TPTE2: variants seen among roughly 807,000 people sequenced by gnomAD.
The protein encoded by TPTE2 is transmembrane phosphoinositide 3-phosphatase and tensin homolog 2.
TPTE2 carries 53 observed loss-of-function variants against 78.6 expected under a neutral mutation model. The observed-to-expected ratio is 0.67, with a 90% confidence interval of 0.54 to 0.85. TPTE2 has a LOEUF of 0.85. Among genes scored for constraint, TPTE2 ranks in the 40% least tolerant of loss-of-function variants. TPTE2 has a pLI of 0.00. For missense variants in TPTE2, 461 were observed against 623.0 expected, an observed-to-expected ratio of 0.74 and a Z score of 2.77; for synonymous variants, 175 against 206.2, an observed-to-expected ratio of 0.85 and a Z score of 1.30.
upstream of TPTE2, among the ~76,000 whole-genome samples, chr13:19,506,160 CTTTTTTTTTTTTT>C (rs71092369): frequency 7.0e-4 from 23 of 32,850 alleles, no homozygotes; most frequent in African/African-American, 2.3e-3. Flanking sequence ...GTATATAAAT[CTTTTTTTTTTTTT>C]TTTTTTTTTT....
chr13:19,447,405 T>C (rs558678012), intron 13 of TPTE2, among the ~76,000 whole-genome samples: 167 of 152,312 alleles, frequency 1.1e-3, no homozygotes, highest in African/African-American at 3.9e-3. Flanking sequence ...TAATGTGAAA[T>C]GGCCATTTTT....
chr13:19,474,190 G>A, intron 5 of TPTE2, 115 bp from the exon 9 acceptor site: 2 of 1,066,006 alleles, frequency 1.9e-6, no homozygotes, highest in East Asian at 2.9e-5. Flanking sequence ...GTACCAAAAT[G>A]TTATTATTTA....
exon 6 of TPTE2, chr13:19,473,962 A>G (rs1390017161): frequency 3.7e-6 from 6 of 1,607,238 alleles, no homozygotes; most frequent in African/African-American, 2.7e-5. Context: ...AAATAAGCCA[A>G]TAGCTAGAGA....
intron 6 of TPTE2, 63 bp downstream of exon 9, chr13:19,473,851 C>T: frequency 2.1e-6 from 3 of 1,415,570 alleles, no homozygotes; most frequent in Non-Finnish European, 2.8e-6. Flanking sequence ...ACCTCAGCCT[C>T]CCAAAGTGCT....
chr13:19,446,242 T>G (rs1877826400), intron 13 of TPTE2, among the ~76,000 whole-genome samples: 1 of 152,178 alleles, frequency 6.6e-6, no homozygotes, highest in Admixed American at 6.5e-5. Flanking sequence ...ATTTTAAAAT[T>G]GAATGTAATA....
At chr13:19,554,415 T>C in the TPTE2 span, among the ~76,000 whole-genome samples, 2 of 143,728 alleles carry the variant, frequency 1.4e-5, no homozygotes, top group Admixed American at 1.4e-4. Context: ...AAAAATAAAA[T>C]AAAATAAATG....
intron 1 of TPTE2, among the ~76,000 whole-genome samples, chr13:19,528,045 G>C (rs368663187): frequency 6.6e-6 from 1 of 152,110 alleles, no homozygotes; most frequent in Non-Finnish European, 1.5e-5. Context: ...TGTGGCAACT[G>C]CAGTAAGTCA....
rs1877510036 is a variant in TPTE2 at position 19,441,693 on chromosome 13, G to C, written c.974-3540C>G. On this transcript the variant is annotated intron_variant, in intron 13 of 19. Transcript: ENST00000400230. The stretch of plus-strand genomic sequence containing the variant: ...GAGAATCCACCAAAATACCTACCAG[G>C]AACATCATATTAATGACATAATATT... 5.3e-5 allele frequency among the ~76,000 whole-genome samples: 8 copies of C among 152,042 alleles called. No individual in the cohort carries two copies. The South Asian group carries it at 1.7e-3, about 32-fold the overall frequency.
the TPTE2 span, among the ~76,000 whole-genome samples, chr13:19,543,375 AAGAG>A: frequency 2.3e-5 from 2 of 88,628 alleles, no homozygotes; most frequent in East Asian, 6.4e-4. Flanking sequence ...TTTTTTTCTT[AAGAG>A]AGAGAGTTTC....
chr13:19,498,985 C>G (rs1020975868), intron 1 of TPTE2, among the ~76,000 whole-genome samples: 2 of 151,924 alleles, frequency 1.3e-5, no homozygotes, highest in African/African-American at 4.8e-5. Context: ...CAAAAAAAGG[C>G]AGGGGTTGCA....
At chr13:19,499,167 C>T (rs542299202) in intron 1 of TPTE2, among the ~76,000 whole-genome samples, 2 of 152,264 alleles carry the variant, frequency 1.3e-5, no homozygotes, top group Admixed American at 1.3e-4. Flanking sequence ...GAGTGACCTA[C>T]AAAGACACTT....
At chr13:19,473,814 T>A (rs1460581716) in intron 6 of TPTE2, 100 bp downstream of exon 9, 4 of 1,073,386 alleles carry the variant, frequency 3.7e-6, no homozygotes, top group African/African-American at 1.7e-5. Flanking sequence ...CAGGATTGTG[T>A]CGAACTCCTG....
chr13:19,460,677 T>C (rs1878831443), intron 10 of TPTE2, among the ~76,000 whole-genome samples: 1 of 152,164 alleles, frequency 6.6e-6, no homozygotes, highest in Non-Finnish European at 1.5e-5. Context: ...TGCAGGCCTG[T>C]CCTGTTCAGA....
intron 1 of TPTE2, among the ~76,000 whole-genome samples, chr13:19,502,848 A>G (rs1044969178): frequency 6.2e-5 from 9 of 145,838 alleles, no homozygotes; most frequent in Non-Finnish European, 1.4e-4. Flanking sequence ...GTTGAAGCCA[A>G]AAAAAAAAAA....
intron 4 of TPTE2, among the ~76,000 whole-genome samples, chr13:19,478,218 C>T (rs969671760): frequency 6.6e-6 from 1 of 152,100 alleles, no homozygotes; most frequent in African/African-American, 2.4e-5. Flanking sequence ...TCAGAGTGAA[C>T]AGGCAACCTA....
intron 10 of TPTE2, among the ~76,000 whole-genome samples, chr13:19,454,989 AAGTGCCAT>A (rs1408099761): frequency 2.0e-5 from 3 of 152,212 alleles, no homozygotes; most frequent in Non-Finnish European, 4.4e-5. Context: ...GGCTGCCCTC[AAGTGCCAT>A]GACCCATCCA....
chr13:19,448,082 A>C (rs1198931261), intron 13 of TPTE2, among the ~76,000 whole-genome samples: 1 of 152,228 alleles, frequency 6.6e-6, no homozygotes, highest in East Asian at 1.9e-4. Flanking sequence ...AGATGGGGAA[A>C]GGACAGTCTC....
intron 13 of TPTE2, among the ~76,000 whole-genome samples, chr13:19,446,035 T>A (rs1877810163): frequency 6.6e-6 from 1 of 152,178 alleles, no homozygotes; most frequent in African/African-American, 2.4e-5. Flanking sequence ...AGTCACAATT[T>A]GTGTAGGAAT....
the TPTE2 span, among the ~76,000 whole-genome samples, chr13:19,544,010 T>C: frequency 8.5e-6 from 1 of 117,210 alleles, no homozygotes; most frequent in Admixed American, 1.3e-4. Flanking sequence ...TATAATGAGC[T>C]GTGATCACAC....
Sources: allele counts gnomAD v4.1 joint callset (sites outside exome capture counted in the v4.1 genomes callset), GRCh38; gene constraint gnomAD v4.1.1; transcripts MANE v1.5; gene names NCBI Gene and HGNC (gene_info 2026-07-23, HGNC 2026-07-21).